The following NRXN3 variants were observed in gnomAD, a reference collection of about 807,000 sequenced individuals.
NRXN3 encodes the protein neurexin III.
Under a neutral mutation model 137.6 loss-of-function variants are expected in NRXN3, and 32 were observed. That is an observed-to-expected ratio of 0.23 (90% CI 0.18 to 0.31). NRXN3 has a LOEUF of 0.31. Among genes scored for constraint, NRXN3 ranks in the 10% least tolerant of loss-of-function variants. NRXN3 has a pLI of 1.00. For synonymous variants in NRXN3, 798 were observed against 784.5 expected, an observed-to-expected ratio of 1.02 and a Z score of -0.29; for missense variants, 1,574 against 2,062.5, an observed-to-expected ratio of 0.76 and a Z score of 4.59.
chr14:78,634,722 A>G (rs1475629132), intron 4 of NRXN3, among the ~76,000 whole-genome samples: 2 of 151,992 alleles, frequency 1.3e-5, no homozygotes, highest in Non-Finnish European at 2.9e-5. Flanking sequence ...CCTCCTCCAA[A>G]GTAACCACTA....
At chr14:79,809,448 AT>A (rs537863222) in intron 20 of NRXN3, among the ~76,000 whole-genome samples, 11 of 151,178 alleles carry the variant, frequency 7.3e-5, no homozygotes, top group South Asian at 4.2e-4. Context: ...CAAAACCTAC[AT>A]TTTTTTTTAA....
At chr14:79,833,394 T>G (rs1301507139) in intron 20 of NRXN3, among the ~76,000 whole-genome samples, 2 of 152,142 alleles carry the variant, frequency 1.3e-5, no homozygotes, top group Non-Finnish European at 2.9e-5. Context: ...TGAGAATTAA[T>G]TCTGTGTTGA....
intron 10 of NRXN3, among the ~76,000 whole-genome samples, chr14:78,914,905 G>A (rs1485703696): frequency 1.3e-5 from 2 of 151,978 alleles, no homozygotes; most frequent in Non-Finnish European, 2.9e-5. Flanking sequence ...CAAGCAATAA[G>A]GGGAAGGAGG....
intron 15 of NRXN3, among the ~76,000 whole-genome samples, chr14:79,284,266 G>T (rs1291842993): frequency 6.8e-6 from 1 of 147,522 alleles, no homozygotes; most frequent in Non-Finnish European, 1.5e-5. Flanking sequence ...GGGAGGCCGA[G>T]GTGGGGGGAT....
In NRXN3 at chr14:79,755,200, C is replaced by G. The variant is rs535997855; in HGVS notation, c.4015-49912C>G. On this transcript the variant is annotated intron_variant, in intron 19 of 20. Transcript: ENST00000335750. ...AAACCTATACATATCCTCTCACGTA[C>G]TTTAAATCATCTCTAGATTAGTTAT... 5.3e-5 allele frequency among the ~76,000 whole-genome samples: 8 copies of G among 152,220 alleles called. No homozygotes were observed. In the East Asian group the frequency reaches 1.2e-3, roughly 22 times the overall value.
chr14:79,844,797 A>G (rs2099363656), intron 20 of NRXN3, among the ~76,000 whole-genome samples: 1 of 152,206 alleles, frequency 6.6e-6, no homozygotes. Context: ...CACCAGCTAC[A>G]TTAGCCCTTA....
chr14:79,526,868 C>T (rs1212539099), intron 16 of NRXN3, among the ~76,000 whole-genome samples: 4 of 152,136 alleles, frequency 2.6e-5, no homozygotes, highest in African/African-American at 4.8e-5. Context: ...AAAAGAAAAG[C>T]CTCCTGGGAG....
At chr14:79,850,003 T>A (rs1348283140) in intron 20 of NRXN3, among the ~76,000 whole-genome samples, 2 of 152,150 alleles carry the variant, frequency 1.3e-5, no homozygotes, top group Non-Finnish European at 2.9e-5. Context: ...TAAGTCAAAC[T>A]GTGATTCAGA....
intron 11 of NRXN3, among the ~76,000 whole-genome samples, chr14:78,959,659 C>T (rs977554063): frequency 1.3e-5 from 2 of 152,122 alleles, no homozygotes; most frequent in African/African-American, 4.8e-5. Context: ...GTCTACGTGC[C>T]TGGAGCATAA....
intron 16 of NRXN3, among the ~76,000 whole-genome samples, chr14:79,594,493 A>G (rs1008498423): frequency 6.6e-6 from 1 of 152,214 alleles, no homozygotes; most frequent in African/African-American, 2.4e-5. Flanking sequence ...ACATACTTTT[A>G]AATGAAGATG....
intron 4 of NRXN3, among the ~76,000 whole-genome samples, chr14:78,399,323 T>G (rs190749630): frequency 2.0e-4 from 30 of 152,062 alleles, no homozygotes; most frequent in Non-Finnish European, 4.4e-5. Flanking sequence ...GTATCTAGAG[T>G]TTTTAGTTGT....
chr14:78,781,369 A>T (rs1477542597), intron 8 of NRXN3, among the ~76,000 whole-genome samples: 1 of 152,222 alleles, frequency 6.6e-6, no homozygotes, highest in Non-Finnish European at 1.5e-5. Flanking sequence ...AATCTGAAAC[A>T]AATATACCAG....
At chr14:79,350,512 T>C (rs2093153545) in intron 15 of NRXN3, among the ~76,000 whole-genome samples, 1 of 152,220 alleles carries the variant, frequency 6.6e-6, no homozygotes, top group Non-Finnish European at 1.5e-5. Context: ...TCATTTTATA[T>C]TGAAGTCCAT....
intron 15 of NRXN3, among the ~76,000 whole-genome samples, chr14:79,262,545 GGA>G (rs2077783659): frequency 1.3e-5 from 2 of 151,360 alleles, no homozygotes; most frequent in South Asian, 4.2e-4. Context: ...GAGAAAGGAA[GGA>G]GAGAGGAGGA....
At chr14:78,637,215 A>T (rs1440651608) in intron 4 of NRXN3, among the ~76,000 whole-genome samples, 1 of 152,138 alleles carries the variant, frequency 6.6e-6, no homozygotes, top group South Asian at 2.1e-4. Context: ...GCCACCTTGC[A>T]CTTTTCACCT....
At chr14:78,709,190 A>C (rs760926606) in intron 6 of NRXN3, 27 bp from the exon 7 acceptor site, 3 of 1,587,096 alleles carry the variant, frequency 1.9e-6, no homozygotes, top group Admixed American at 1.7e-5. Context: ...ATTGATTCAC[A>C]TGGCACTTTT....
chr14:79,271,995 A>C (rs2079406835), intron 15 of NRXN3, among the ~76,000 whole-genome samples: 1 of 152,134 alleles, frequency 6.6e-6, no homozygotes, highest in Admixed American at 6.5e-5. Flanking sequence ...TAGCCAGTGG[A>C]CCCAGGATTT....
Position 79,861,301 on chromosome 14 carries a change from T to C in NRXN3, c.4094-41T>C, listed in dbSNP as rs775543062. On this transcript the variant is annotated intron_variant, in intron 20 of 20. Transcript: ENST00000335750. The surrounding 1 kb of genome is among the most constrained non-coding windows in gnomAD (Gnocchi z 5.4). ...CCTTTGACTCTAACCTGCCCCCTAC[T>C]GATGATGAAGATTTTTACACCACCT... 2.0e-6 allele frequency: 3 copies of C among 1,536,124 alleles called. No homozygotes were observed. Among genetic ancestry groups the C allele is most frequent in the Non-Finnish European group, 2.6e-6 (3 of 1,146,914 alleles).
At chr14:79,442,108 G>C (rs1283566898) in intron 15 of NRXN3, among the ~76,000 whole-genome samples, 4 of 152,108 alleles carry the variant, frequency 2.6e-5, no homozygotes, top group African/African-American at 9.7e-5. Context: ...TTTCCTACCA[G>C]TTAAGGATTC....
Sources: allele counts gnomAD v4.1 joint callset (sites outside exome capture counted in the v4.1 genomes callset), GRCh38; gene constraint gnomAD v4.1.1; non-coding constraint Gnocchi (gnomAD v3.1); transcripts MANE v1.5; gene names NCBI Gene and HGNC (gene_info 2026-07-23, HGNC 2026-07-21).